NRG3: variants seen among roughly 807,000 people sequenced by gnomAD.
NRG3 encodes the protein pro-neuregulin-3, membrane-bound isoform.
Under a neutral mutation model 66.9 loss-of-function variants are expected in NRG3, and 31 were observed. That is an observed-to-expected ratio of 0.46 (90% CI 0.35 to 0.63). The LOEUF (loss-of-function observed/expected upper bound fraction) is 0.63. NRG3 is among the 20% of genes least tolerant of loss of function. The probability of loss-of-function intolerance (pLI) is 0.00; values close to 1 mark genes in which losing one functional copy is unlikely to be tolerated. For missense variants in NRG3, 910 were observed against 878.9 expected (o/e 1.04, Z -0.45); for synonymous variants, 393 against 359.4 (o/e 1.09, Z -1.06).
chr10:81,942,886 A>G (rs750797755), intron 1 of NRG3, among the ~76,000 whole-genome samples: 11 of 152,204 alleles, frequency 7.2e-5, no homozygotes, highest in Non-Finnish European at 1.6e-4. Context: ...TCTTTTGAGG[A>G]TTAATAACGA....
At chr10:82,484,140 C>T (rs1842497234) in intron 2 of NRG3, among the ~76,000 whole-genome samples, 1 of 152,176 alleles carries the variant, frequency 6.6e-6, no homozygotes, top group South Asian at 2.1e-4. Context: ...CCCATTCCCA[C>T]CTGGACTGAC....
chr10:82,092,396 G>A (rs1034503589), intron 1 of NRG3, among the ~76,000 whole-genome samples: 14 of 151,318 alleles, frequency 9.3e-5, no homozygotes, highest in Non-Finnish European at 1.5e-4. Flanking sequence ...ACACACACAC[G>A]CACACACACA....
At chr10:82,942,385 T>G (rs992328523) in intron 4 of NRG3, among the ~76,000 whole-genome samples, 9 of 152,232 alleles carry the variant, frequency 5.9e-5, no homozygotes, top group Admixed American at 5.2e-4. Flanking sequence ...AATTTTATAC[T>G]GTTGCAGTTT....
chr10:82,098,002 G>A (rs1328462432), intron 1 of NRG3, among the ~76,000 whole-genome samples: 1 of 150,388 alleles, frequency 6.6e-6, no homozygotes, highest in Admixed American at 6.7e-5. Flanking sequence ...AAACCGAGAA[G>A]GATCTGAGAC....
intron 1 of NRG3, among the ~76,000 whole-genome samples, chr10:82,313,361 A>G (rs1001488874): frequency 2.0e-5 from 3 of 152,022 alleles, no homozygotes; most frequent in African/African-American, 7.2e-5. Flanking sequence ...ATACAAATAA[A>G]AAATAAATAA....
chr10:82,985,083 G>A lies in NRG3; in HGVS notation c.1584-15G>A. 1 of 1,610,532 alleles carries A rather than the reference G, an allele frequency of 6.2e-7. No individual in the cohort carries two copies. The highest frequency in any genetic ancestry group is 8.5e-7 in the Non-Finnish European group (1 of 1,178,256). Reference sequence around the variant, plus strand: ...GGTAGAAAGCAGAAGGAGTAACACTGTGTTTCTTTTTCAGGTATTCATCCA... The same window carrying A: ...GGTAGAAAGCAGAAGGAGTAACACTATGTTTCTTTTTCAGGTATTCATCCA... On this transcript the variant is annotated splice_polypyrimidine_tract_variant and intron_variant, in intron 8 of 8. Coordinates refer to ENST00000372141, the MANE Select transcript of NRG3 (RefSeq NM_001010848.4).
intron 1 of NRG3, among the ~76,000 whole-genome samples, chr10:82,211,362 AG>A (rs1839244529): frequency 6.6e-6 from 1 of 152,172 alleles, no homozygotes; most frequent in Non-Finnish European, 1.5e-5. Flanking sequence ...AAAGAGTTAA[AG>A]AAACTTCTGG....
intron 7 of NRG3, among the ~76,000 whole-genome samples, 190 bp downstream of exon 7, chr10:82,974,105 G>A (rs1257963063): frequency 6.6e-6 from 1 of 152,030 alleles, no homozygotes; most frequent in Non-Finnish European, 1.5e-5. Flanking sequence ...ACAGCAGACA[G>A]CATTGCCTCT....
intron 1 of NRG3, among the ~76,000 whole-genome samples, chr10:82,267,367 C>T (rs925962889): frequency 2.6e-5 from 4 of 152,190 alleles, no homozygotes; most frequent in African/African-American, 9.6e-5. Flanking sequence ...CCATAACACA[C>T]ACAGGCATCC....
chr10:82,856,756 C>CAAAAAAAAAAAAAAAAAAA (rs67224862), intron 3 of NRG3, among the ~76,000 whole-genome samples: 12 of 107,488 alleles, frequency 1.1e-4, no homozygotes, highest in South Asian at 3.2e-4. Flanking sequence ...AAAAAAAAAA[C>CAAAAAAAAAAAAAAAAAAA]AAAAAAAAAA....
intron 4 of NRG3, among the ~76,000 whole-genome samples, chr10:82,893,058 A>T (rs1195820294): frequency 6.6e-6 from 1 of 152,190 alleles, no homozygotes; most frequent in East Asian, 1.9e-4. Flanking sequence ...TGATAGATCA[A>T]ATAAATAATC....
At chr10:81,918,750 A>G (rs1486900312) in intron 1 of NRG3, among the ~76,000 whole-genome samples, 2 of 150,732 alleles carry the variant, frequency 1.3e-5, no homozygotes, top group Non-Finnish European at 2.9e-5. Flanking sequence ...AATGCTGTTA[A>G]TTTTTTCTCT....
intron 2 of NRG3, among the ~76,000 whole-genome samples, chr10:82,664,657 A>G (rs537261920): frequency 1.3e-5 from 2 of 152,254 alleles, no homozygotes; most frequent in South Asian, 4.1e-4. Flanking sequence ...AGGGGGGTCC[A>G]TGAACTCATA....
chr10:82,336,683 T>C (rs1377699780), intron 1 of NRG3, among the ~76,000 whole-genome samples: 1 of 152,008 alleles, frequency 6.6e-6, no homozygotes, highest in Non-Finnish European at 1.5e-5. Flanking sequence ...CCACCACATC[T>C]GGCTAATTTT....
At chr10:82,849,872 G>C (rs1324914767) in intron 3 of NRG3, among the ~76,000 whole-genome samples, 2 of 152,126 alleles carry the variant, frequency 1.3e-5, no homozygotes, top group Non-Finnish European at 2.9e-5. Flanking sequence ...TTCTATTCCA[G>C]AGATGCCATG....
chr10:81,989,157 A>T (rs1373262786), intron 1 of NRG3, among the ~76,000 whole-genome samples: 1 of 152,198 alleles, frequency 6.6e-6, no homozygotes, highest in Non-Finnish European at 1.5e-5. Context: ...TAGGAATAGG[A>T]TATTGTCATT....
intron 1 of NRG3, among the ~76,000 whole-genome samples, chr10:81,918,829 A>AAAAAAAACAAAAACAAAC (rs1160486507): frequency 1.3e-5 from 2 of 151,834 alleles, no homozygotes; most frequent in East Asian, 3.9e-4. Flanking sequence ...AAAAAACAAA[A>AAAAAAAACAAAAACAAAC]ACAAACACAA....
At chr10:82,849,602 T>G (rs2063470889) in intron 3 of NRG3, among the ~76,000 whole-genome samples, 1 of 152,150 alleles carries the variant, frequency 6.6e-6, no homozygotes, top group Admixed American at 6.5e-5. Context: ...TGATGTGACC[T>G]CTGATAAGAT....
chr10:82,648,598 G>A (rs1413755707), intron 2 of NRG3, among the ~76,000 whole-genome samples: 1 of 152,154 alleles, frequency 6.6e-6, no homozygotes, highest in Non-Finnish European at 1.5e-5. Context: ...ACCTTGGGCA[G>A]TATGGCCATT....
Sources: allele counts gnomAD v4.1 joint callset (sites outside exome capture counted in the v4.1 genomes callset), GRCh38; gene constraint gnomAD v4.1.1; transcripts MANE v1.5; gene names NCBI Gene and HGNC (gene_info 2026-07-23, HGNC 2026-07-21).